TLN2: variants seen among roughly 807,000 people sequenced by gnomAD.
TLN2 encodes talin 2, also known as talin-2.
Under a neutral mutation model 294.7 loss-of-function variants are expected in TLN2, and 118 were observed. That is an observed-to-expected ratio of 0.40 (90% CI 0.34 to 0.47). The LOEUF (loss-of-function observed/expected upper bound fraction) is 0.47, where lower values mean the gene tolerates loss of function less well. Ranked by LOEUF, TLN2 falls within the 20% of genes least tolerant of loss-of-function variation. The pLI is 0.84. For synonymous variants in TLN2, 1,431 were observed against 1,304.5 expected (o/e 1.10, Z -2.09); for missense variants, 3,083 against 3,282.2 (o/e 0.94, Z 1.48).
intron 1 of TLN2, among the ~76,000 whole-genome samples, chr15:62,468,989 A>G (rs1212132546): frequency 6.6e-6 from 1 of 152,170 alleles, no homozygotes; most frequent in Non-Finnish European, 1.5e-5. Flanking sequence ...TCAACAATTT[A>G]CCCTATGTGA....
chr15:62,567,537 A>G (rs761459326), intron 1 of TLN2, among the ~76,000 whole-genome samples: 1 of 152,222 alleles, frequency 6.6e-6, no homozygotes, highest in Non-Finnish European at 1.5e-5. Context: ...CATTGCTGAG[A>G]AAGAATGAGG....
chr15:62,810,110 C>T, intron 52 of TLN2, 78 bp downstream of exon 52: 3 of 1,202,716 alleles, frequency 2.5e-6, no homozygotes, highest in Non-Finnish European at 3.6e-6. Context: ...CTATGCTTTC[C>T]TTGGGAAGAC....
intron 46 of TLN2, 74 bp from the exon 47 acceptor site, chr15:62,796,053 T>C: frequency 6.4e-7 from 1 of 1,550,392 alleles, no homozygotes; most frequent in South Asian, 1.2e-5. Context: ...GAGAATTCAT[T>C]ATTTTCAGAA....
chr15:62,772,606 C>G (rs952772802), intron 42 of TLN2, among the ~76,000 whole-genome samples: 1 of 152,062 alleles, frequency 6.6e-6, no homozygotes. Flanking sequence ...CCCACTCCTA[C>G]CTGATGGTTT....
intron 14 of TLN2, 141 bp from the exon 15 acceptor site, chr15:62,697,547 C>G (rs959171376): frequency 5.9e-6 from 5 of 845,430 alleles, no homozygotes; most frequent in Non-Finnish European, 9.0e-6. Flanking sequence ...CTTCTTCATT[C>G]CTGCTTCTCA....
chr15:62,830,007 C>T (rs1032021097), intron 54 of TLN2: 1 of 152,278 alleles, frequency 6.6e-6, no homozygotes, highest in East Asian at 1.9e-4. Flanking sequence ...TCAATTTATC[C>T]TGTTTAATGA....
At chr15:62,775,842 G>A (rs1030911841) in intron 42 of TLN2, among the ~76,000 whole-genome samples, 3 of 152,342 alleles carry the variant, frequency 2.0e-5, no homozygotes, top group African/African-American at 7.2e-5. Flanking sequence ...CCTGACATCA[G>A]GTCAAATTTT....
intron 41 of TLN2, 33 bp from the exon 42 acceptor site, chr15:62,770,931 T>TA: frequency 6.3e-7 from 1 of 1,584,858 alleles, no homozygotes; most frequent in Non-Finnish European, 8.5e-7. Flanking sequence ...ATTTACATGA[T>TA]ACATCTCTGG....
intron 1 of TLN2, among the ~76,000 whole-genome samples, chr15:62,467,218 C>T (rs1286254813): frequency 6.6e-6 from 1 of 152,174 alleles, no homozygotes; most frequent in African/African-American, 2.4e-5. Context: ...GTCTTTTGGT[C>T]AGGTCACCAA....
chr15:62,454,790 T>G (rs1488820494), intron 1 of TLN2, among the ~76,000 whole-genome samples: 1 of 152,100 alleles, frequency 6.6e-6, no homozygotes, highest in Admixed American at 6.6e-5. Context: ...ATTCGGCCCT[T>G]TAGAGGAGTG....
At chr15:62,704,709 A>G (rs114842204) in intron 19 of TLN2, among the ~76,000 whole-genome samples, 2,045 of 152,094 alleles carry the variant, frequency 0.013, 45 homozygotes, top group South Asian at 0.058. Context: ...ATGGCTGGTC[A>G]TAAGTTCCCT....
At chr15:62,784,082 T>A in intron 45 of TLN2, 192 bp downstream of exon 45, 6 of 939,610 alleles carry the variant, frequency 6.4e-6, no homozygotes, top group Non-Finnish European at 9.1e-6. Context: ...TCACTGCCCC[T>A]TATGGGGCAG....
intron 1 of TLN2, among the ~76,000 whole-genome samples, chr15:62,414,110 C>G (rs1464414176): frequency 1.7e-5 from 2 of 121,114 alleles, no homozygotes; most frequent in Non-Finnish European, 3.3e-5. Context: ...ATTACAACTT[C>G]ATAATCACAT....
intron 1 of TLN2, among the ~76,000 whole-genome samples, chr15:62,580,045 T>G (rs1014809109): frequency 6.6e-6 from 1 of 152,172 alleles, no homozygotes; most frequent in African/African-American, 2.4e-5. Context: ...AGCCAACATG[T>G]GTCACTCTAC....
chr15:62,656,491 C>G (rs564885521), intron 8 of TLN2, among the ~76,000 whole-genome samples: 5 of 152,310 alleles, frequency 3.3e-5, no homozygotes, highest in Admixed American at 1.3e-4. Flanking sequence ...CTCTCAATAA[C>G]CTTTCATGTC....
chr15:62,691,733 G>A (rs58619833), intron 12 of TLN2, among the ~76,000 whole-genome samples: 13 of 151,928 alleles, frequency 8.6e-5, no homozygotes, highest in Non-Finnish European at 1.5e-4. Flanking sequence ...CCAAGCTGGA[G>A]TGTAGTGGTG....
At chr15:62,672,543 T>G (rs960063899) in intron 9 of TLN2, among the ~76,000 whole-genome samples, 1 of 152,150 alleles carries the variant, frequency 6.6e-6, no homozygotes, top group Non-Finnish European at 1.5e-5. Flanking sequence ...GGTTTATTAT[T>G]TTGTTCTCTC....
At chr15:62,562,236 C>T (rs949313692) in intron 1 of TLN2, among the ~76,000 whole-genome samples, 1 of 151,936 alleles carries the variant, frequency 6.6e-6, no homozygotes, top group African/African-American at 2.4e-5. Flanking sequence ...TTTTTTATAC[C>T]ATTTTGGTTT....
intron 3 of TLN2, among the ~76,000 whole-genome samples, chr15:62,646,410 C>A (rs953822070): frequency 1.3e-5 from 2 of 152,178 alleles, no homozygotes; most frequent in African/African-American, 2.4e-5. Flanking sequence ...GATCCGCCCC[C>A]CTCAGCCTCC....
Sources: allele counts gnomAD v4.1 joint callset (sites outside exome capture counted in the v4.1 genomes callset), GRCh38; gene constraint gnomAD v4.1.1; transcripts MANE v1.5; gene names NCBI Gene and HGNC (gene_info 2026-07-23, HGNC 2026-07-21).